Variants in GREB1 observed in about 807,000 individuals in gnomAD.
GREB1 encodes the protein growth regulating estrogen receptor binding 1.
Under a neutral mutation model 200.7 loss-of-function variants are expected in GREB1, and 106 were observed. That is an observed-to-expected ratio of 0.53 (90% confidence interval 0.45 to 0.62). GREB1 has a LOEUF of 0.62. Among genes scored for constraint, GREB1 ranks in the 20% least tolerant of loss-of-function variants. The pLI is 0.00. For synonymous variants in GREB1, 1,132 were observed against 1,092.4 expected, an observed-to-expected ratio of 1.04 and a Z score of -0.72; for missense variants, 2,243 against 2,556.8, an observed-to-expected ratio of 0.88 and a Z score of 2.65.
At chr2:11,555,836 C>T (rs557806207) in intron 1 of GREB1, among the ~76,000 whole-genome samples, 1 of 152,220 alleles carries the variant, frequency 6.6e-6, no homozygotes, top group South Asian at 2.1e-4. Flanking sequence ...TACGAAAAAC[C>T]ATTGAGTTGT....
intron 1 of GREB1, among the ~76,000 whole-genome samples, chr2:11,490,837 C>T (rs887365544): frequency 6.6e-6 from 1 of 152,198 alleles, no homozygotes; most frequent in Non-Finnish European, 1.5e-5. Context: ...GGGTGAGCCA[C>T]CACACCCGGC....
intron 14 of GREB1, 47 bp downstream of exon 14, chr2:11,598,025 T>C: frequency 7.2e-7 from 1 of 1,393,966 alleles, no homozygotes; most frequent in Non-Finnish European, 1.0e-6. Flanking sequence ...AGCTTTGATC[T>C]GCCGAAATCC....
chr2:11,580,595 T>G lies in GREB1; in HGVS notation c.773-109T>G. The G allele has an allele frequency of 7.6e-7, 1 of 1,307,746 alleles. No homozygotes were observed. Among genetic ancestry groups the G allele is most frequent in the South Asian group, 1.4e-5 (1 of 71,512 alleles). The allele number at this position is 1,307,746 out of a possible 1,614,324, so 81.0% of individuals were successfully genotyped here. Reference sequence around the variant, plus strand: ...ATTCTGACCTCCTGATGAGACTTGCTGGGGAAAAGCTAGTTTGTGAAACTG... The same window carrying G: ...ATTCTGACCTCCTGATGAGACTTGCGGGGGAAAAGCTAGTTTGTGAAACTG... On this transcript the variant is annotated intron_variant, in intron 6 of 32. Coordinates refer to ENST00000381486, the MANE Select transcript of GREB1 (RefSeq NM_014668.4). This position sits in a 1 kb window ranked among gnomAD's most constrained non-coding sequence, Gnocchi z 4.5.
At chr2:11,588,703 T>A in intron 9 of GREB1, 43 bp from the exon 10 acceptor site, 2 of 1,569,416 alleles carry the variant, frequency 1.3e-6, no homozygotes, top group Non-Finnish European at 1.8e-6. Flanking sequence ...GACCGTAAGC[T>A]GTGCACAAGA....
chr2:11,552,882 C>CGGGGT (rs1558533604), intron 1 of GREB1, among the ~76,000 whole-genome samples: 2 of 151,480 alleles, frequency 1.3e-5, no homozygotes, highest in Non-Finnish European at 2.9e-5. Context: ...TGGTGGCGCA[C>CGGGGT]GCCTGTAGTC....
chr2:11,599,670 GC>G (rs977802927), intron 15 of GREB1, among the ~76,000 whole-genome samples: 2 of 151,946 alleles, frequency 1.3e-5, no homozygotes, highest in African/African-American at 4.8e-5. Flanking sequence ...ACAGGCGCCT[GC>G]CACCACACCT....
chr2:11,496,655 A>G (rs1672898742), intron 1 of GREB1, among the ~76,000 whole-genome samples: 1 of 152,206 alleles, frequency 6.6e-6, no homozygotes, highest in Non-Finnish European at 1.5e-5. Context: ...TATTTATTAA[A>G]TTTTAATTCA....
At chr2:11,598,181 A>T (rs1170550047) in intron 14 of GREB1, among the ~76,000 whole-genome samples, 1 of 152,216 alleles carries the variant, frequency 6.6e-6, no homozygotes, top group Non-Finnish European at 1.5e-5. Flanking sequence ...CAAAACTTGA[A>T]CTTTCACCAT....
intron 21 of GREB1, among the ~76,000 whole-genome samples, chr2:11,617,454 G>T (rs1683514245): frequency 6.6e-6 from 1 of 152,254 alleles, no homozygotes; most frequent in South Asian, 2.1e-4. Flanking sequence ...CGAACTCATT[G>T]TTCTCATAAA....
intron 26 of GREB1, among the ~76,000 whole-genome samples, chr2:11,630,769 G>T (rs531574444): frequency 6.6e-6 from 1 of 152,246 alleles, no homozygotes; most frequent in African/African-American, 2.4e-5. Flanking sequence ...CGTTCTGAAC[G>T]TTCCATTGTC....
chr2:11,526,935 A>T (rs1673897245), intron 1 of GREB1, among the ~76,000 whole-genome samples: 1 of 152,036 alleles, frequency 6.6e-6, no homozygotes, highest in African/African-American at 2.4e-5. Flanking sequence ...TTGATTTTTG[A>T]ATTTTAGGTA....
chr2:11,548,320 G>A lies in GREB1; in HGVS notation c.-161-8134G>A, dbSNP rs28460574. Among the ~76,000 whole-genome samples the A allele has an allele frequency of 1.1e-3, 162 of 151,098 alleles. No individual in the cohort carries two copies. The highest frequency in any genetic ancestry group is 1.7e-3 in the Non-Finnish European group (117 of 67,792). ...CACATACCCACATATGCACACACAC[G>A]CACACACCCAGACACGTGCACACAT... On this transcript the variant is annotated intron_variant, in intron 1 of 32. Transcript: ENST00000381486. The surrounding 1 kb of genome is among the most constrained non-coding windows in gnomAD (Gnocchi z 5.1).
chr2:11,490,723 ATTT>A (rs1672758093), intron 1 of GREB1, among the ~76,000 whole-genome samples: 1 of 151,618 alleles, frequency 6.6e-6, no homozygotes, highest in Non-Finnish European at 1.5e-5. Flanking sequence ...TAATTTTTGT[ATTT>A]TTAGTACAGA....
Position 11,634,474 on chromosome 2 carries a change from TC to T in GREB1, c.5210+128del, listed in dbSNP as rs1685146688. ...ACTGACCTGGCCTTGCTCTCCGTTGTCCCAGTTTTTTTAGTGCTGAATAATT... is the reference window on the plus strand; with the variant it reads ...ACTGACCTGGCCTTGCTCTCCGTTGTCCAGTTTTTTTAGTGCTGAATAATT... On this transcript the variant is annotated intron_variant, in intron 29 of 32. Transcript: ENST00000381486. 7.4e-6 allele frequency: 5 copies of T among 675,374 alleles called. No individual in the cohort carries two copies. In the East Asian group the frequency reaches 1.1e-4, roughly 15 times the overall value. 41.8% of individuals were successfully genotyped at this position (675,374 alleles called of 1,614,324 possible).
intron 1 of GREB1, among the ~76,000 whole-genome samples, chr2:11,488,557 G>A (rs967186896): frequency 4.6e-5 from 7 of 151,922 alleles, no homozygotes; most frequent in Admixed American, 2.0e-4. Context: ...TTGGGAGGCC[G>A]ATGTGGGTGG....
intron 1 of GREB1, among the ~76,000 whole-genome samples, chr2:11,555,294 G>C (rs1443512508): frequency 6.6e-6 from 1 of 152,166 alleles, no homozygotes; most frequent in Non-Finnish European, 1.5e-5. Flanking sequence ...ACTGAAAATA[G>C]AAATTTAACC....
intron 6 of GREB1, among the ~76,000 whole-genome samples, chr2:11,578,794 T>A (rs1355062487): frequency 6.6e-6 from 1 of 152,188 alleles, no homozygotes; most frequent in Non-Finnish European, 1.5e-5. Flanking sequence ...ACCAGATTGC[T>A]GCCATTCACC....
In GREB1 at chr2:11,641,467, G is replaced by GGTTTTTTGTTTT. The variant is rs1553388255; in HGVS notation, c.*1018_*1019insTTGTTTTGTTTT. 2 of 147,852 alleles carry GGTTTTTTGTTTT rather than the reference G, an allele frequency of 1.4e-5. No individual in the cohort carries two copies. Among genetic ancestry groups the GGTTTTTTGTTTT allele is most frequent in the African/African-American group, 2.5e-5 (1 of 39,520 alleles). 9.2% of individuals were successfully genotyped at this position (147,852 alleles called of 1,614,324 possible). A position where few individuals can be genotyped will look rare whatever the true frequency, so the allele number is the denominator to read the frequency against. On this transcript the variant is annotated 3_prime_UTR_variant, in exon 33 of 33. Transcript: ENST00000381486. ...TCACCCCTTCACAGACTGACAGAAT[G>GGTTTTTTGTTTT]GTTTTGTTTTGTTTTGTTTTGTTTT...
At chr2:11,486,605 C>A (rs551447133) in intron 1 of GREB1, among the ~76,000 whole-genome samples, 1 of 152,086 alleles carries the variant, frequency 6.6e-6, no homozygotes, top group Admixed American at 6.5e-5. Context: ...ATAGTCCCAA[C>A]GCCTATAATC....
Sources: allele counts gnomAD v4.1 joint callset (sites outside exome capture counted in the v4.1 genomes callset), GRCh38; gene constraint gnomAD v4.1.1; non-coding constraint Gnocchi (gnomAD v3.1); transcripts MANE v1.5; gene names NCBI Gene and HGNC (gene_info 2026-07-23, HGNC 2026-07-21).